The following RBBP6 variants were observed in gnomAD, a reference collection of about 807,000 sequenced individuals.
RBBP6 encodes the protein RB binding protein 6, ubiquitin ligase.
Under a neutral mutation model 167.7 loss-of-function variants are expected in RBBP6, and 25 were observed. The observed-to-expected ratio is 0.15, with a 90% CI of 0.11 to 0.21. The LOEUF (loss-of-function observed/expected upper bound fraction) is 0.21. Among genes scored for constraint, RBBP6 ranks in the 10% least tolerant of loss-of-function variants. RBBP6 has a pLI of 1.00. For synonymous variants in RBBP6, 789 were observed against 735.8 expected, an observed-to-expected ratio of 1.07 and a Z score of -1.17; for missense variants, 1,868 against 2,134.2, an observed-to-expected ratio of 0.88 and a Z score of 2.46.
At chr16:24,566,771 C>T (rs1899205019) in intron 14 of RBBP6, among the ~76,000 whole-genome samples, 1 of 152,048 alleles carries the variant, frequency 6.6e-6, no homozygotes. Context: ...AATAAGTAAG[C>T]TTTTGGGGAG....
In RBBP6 at chr16:24,569,012, A is replaced by C; in HGVS notation, c.2322A>C (p.Gln774His). The change falls in exon 17 of 18, where the codon CAA becomes CAC. Residue 774 changes from glutamine (Q) to histidine (H), a missense_variant. This residue lies in a region of RBBP6 where 673 missense variants were observed against 691.5 expected (regional missense o/e 0.97). Coordinates refer to ENST00000319715, the MANE Select transcript of RBBP6 (RefSeq NM_006910.5). ...RRYHSRSRSP[Q>H]AFRGQSPNKR... is the part of the protein sequence containing the mutation. ...ATCATTCACGATCAAGATCTCCTCA[A>C]GCGTTTAGGGGACAGTCTCCTAATA... The C allele has an allele frequency of 6.2e-7, 1 of 1,614,198 alleles. No homozygotes were observed. The highest frequency in any genetic ancestry group is 8.5e-7 in the Non-Finnish European group (1 of 1,180,024).
Position 24,572,579 on chromosome 16 carries a change from T to G in RBBP6, c.*134T>G. ...TGCACTTAAAATATTGCTGCTTGAT[T>G]ATTTGATTTTTACATCAGAGCTTTA... On this transcript the variant is annotated 3_prime_UTR_variant, in exon 18 of 18. Transcript: ENST00000319715. 3 of 1,265,000 alleles carry G rather than the reference T, an allele frequency of 2.4e-6. No individual in the cohort carries two copies. The highest frequency in any genetic ancestry group is 3.1e-6 in the Non-Finnish European group (3 of 954,474). The allele number at this position is 1,265,000 out of a possible 1,614,324, so 78.4% of individuals were successfully genotyped here.
intron 1 of RBBP6, 152 bp downstream of exon 1, chr16:24,540,944 A>G (rs1204595719): frequency 7.0e-6 from 7 of 995,754 alleles, no homozygotes; most frequent in Non-Finnish European, 9.9e-6. Context: ...CAAGGTTTGC[A>G]GCAGTTGGCC....
chr16:24,548,317 G>GTTTTTTTTTT (rs67923848), intron 2 of RBBP6, among the ~76,000 whole-genome samples: 1 of 143,654 alleles, frequency 7.0e-6, no homozygotes, highest in African/African-American at 2.5e-5. Flanking sequence ...TTTTTGTTCA[G>GTTTTTTTTTT]TTTTTTTTTT....
At chr16:24,548,387 G>A (rs539166547) in intron 2 of RBBP6, among the ~76,000 whole-genome samples, 1 of 149,312 alleles carries the variant, frequency 6.7e-6, no homozygotes, top group East Asian at 2.0e-4. Context: ...TCAAACTCCT[G>A]GGCTCAAGTG....
At chr16:24,551,406 T>C (rs1195369490) in intron 3 of RBBP6, among the ~76,000 whole-genome samples, 1 of 151,848 alleles carries the variant, frequency 6.6e-6, no homozygotes, top group Non-Finnish European at 1.5e-5. Context: ...CATTTTTTGC[T>C]CATTTCTGAA....
At chr16:24,550,371 GTT>G (rs397952875) in intron 3 of RBBP6, among the ~76,000 whole-genome samples, 1 of 134,242 alleles carries the variant, frequency 7.4e-6, no homozygotes, top group Non-Finnish European at 1.6e-5. Flanking sequence ...TTGTTTTTTT[GTT>G]TTTTTTTTTT....
At position 24,546,245 on chromosome 16, in the gene RBBP6, A is replaced by G; in HGVS notation, c.249A>G (p.Thr83=). Residue 83 remains threonine, a synonymous_variant, in exon 2 of 18, where the codon ACA becomes ACG. Coordinates refer to ENST00000319715, the MANE Select transcript of RBBP6 (RefSeq NM_006910.5). ...RRIPIGGVKS[T]SKTYVISRTE... is the part of the protein sequence containing the mutation. ...TTCCTATTGGAGGTGTTAAATCTAC[A>G]AGCAAGACATATGTTATGTAAGTAT... The G allele has an allele frequency of 1.3e-6, 2 of 1,588,730 alleles. No homozygotes were observed. The highest frequency in any genetic ancestry group is 8.5e-7 in the Non-Finnish European group (1 of 1,172,982).
chr16:24,551,439 A>G (rs1009371067), intron 3 of RBBP6, among the ~76,000 whole-genome samples: 1 of 151,780 alleles, frequency 6.6e-6, no homozygotes, highest in Non-Finnish European at 1.5e-5. Flanking sequence ...TGTAGGAAAC[A>G]TTTGTTTGCT....
chr16:24,570,711 A>G (rs1292711612), intron 17 of RBBP6, among the ~76,000 whole-genome samples, 165 bp from the exon 18 acceptor site: 2 of 152,108 alleles, frequency 1.3e-5, no homozygotes, highest in East Asian at 1.9e-4. Context: ...TGTTGATACA[A>G]TCATAATCTT....
At position 24,567,879 on chromosome 16, in the gene RBBP6, G is replaced by A; in HGVS notation, c.2040G>A (p.Arg680=). 4 of 1,611,006 alleles carry A rather than the reference G, an allele frequency of 2.5e-6. No individual in the cohort carries two copies. The highest frequency in any genetic ancestry group is 3.4e-6 in the Non-Finnish European group (4 of 1,178,244). ...ACAAAAAGATTCAAAAGGAGCGTAG[G>A]CGCTCATTTTCCAGGTTAGTGTTTT... ...MEYKKIQKER[R]RSFSRSKSPY... is the part of the protein sequence containing the mutation. The change falls in exon 16 of 18, where the codon AGG becomes AGA. Residue 680 remains arginine, a synonymous_variant. Coordinates refer to ENST00000319715, the MANE Select transcript of RBBP6 (RefSeq NM_006910.5).
At position 24,540,696 on chromosome 16, in the gene RBBP6, A is replaced by G. The variant is rs965857051; in HGVS notation, c.70A>G (p.Ile24Val). Residue 24 changes from isoleucine to valine, a missense_variant, in exon 1 of 18, where the codon ATC (isoleucine) becomes GTC (valine). Coordinates refer to ENST00000319715, the MANE Select transcript of RBBP6 (RefSeq NM_006910.5). ...YDTVTFDGLHISLCDLKKQIM... is the reference protein window; with the variant it reads ...YDTVTFDGLHVSLCDLKKQIM... ...TACCGTCACCTTTGATGGGCTCCAC[A>G]TCTCCCTCTGCGACTTAAAGAAGCA... 2 of 1,613,982 alleles carry G rather than the reference A, an allele frequency of 1.2e-6. No homozygotes were observed. Among genetic ancestry groups the G allele is most frequent in the African/African-American group, 1.3e-5 (1 of 74,888 alleles).
chr16:24,553,360 A>G, intron 3 of RBBP6, 153 bp from the exon 4 acceptor site: 1 of 559,486 alleles, frequency 1.8e-6, no homozygotes, highest in Non-Finnish European at 3.2e-6. Context: ...AGAAGAATGA[A>G]GTAGGCTGAG....
chr16:24,563,786 G>A (rs1219640504), intron 13 of RBBP6, 122 bp downstream of exon 13: 8 of 796,496 alleles, frequency 1.0e-5, no homozygotes, highest in Non-Finnish European at 1.4e-5. Flanking sequence ...GCTCTTTATT[G>A]TAAACTTTCA....
intron 7 of RBBP6, among the ~76,000 whole-genome samples, chr16:24,558,155 G>C (rs1274629712): frequency 6.6e-6 from 1 of 152,118 alleles, no homozygotes. Context: ...GTAAAAATTT[G>C]TGTTGGAAAA....
rs72133882 is a variant in RBBP6, at chr16:24,553,558, G to GTA, written c.348+17_348+18dup. The GTA allele has an allele frequency of 1.5e-3, 2,221 of 1,432,998 alleles. No homozygotes were observed. Among genetic ancestry groups the GTA allele is most frequent in the Non-Finnish European group, 1.9e-3 (1,960 of 1,050,222 alleles). 88.8% of individuals were successfully genotyped at this position (1,432,998 alleles called of 1,614,324 possible). On this transcript the variant is annotated splice_donor_variant, in intron 4 of 17. Coordinates refer to ENST00000319715, the MANE Select transcript of RBBP6 (RefSeq NM_006910.5). LOFTEE classifies it high-confidence loss of function. ...TATTTCTCTGGCCCAGCTTACAAAG[G>GTA]TATATATATATATATATTCTTGAAA... is the stretch of plus-strand genomic sequence containing the variant.
intron 1 of RBBP6, among the ~76,000 whole-genome samples, chr16:24,544,815 G>A (rs1898596933): frequency 6.6e-6 from 1 of 152,124 alleles, no homozygotes; most frequent in Non-Finnish European, 1.5e-5. Context: ...TTTCCCAGAA[G>A]GTGACATCAC....
chr16:24,569,121 T>G lies in RBBP6; in HGVS notation c.2431T>G (p.Tyr811Asp). 1 of 1,613,140 alleles carries G rather than the reference T, an allele frequency of 6.2e-7. No homozygotes were observed. The highest frequency in any genetic ancestry group is 8.5e-7 in the Non-Finnish European group (1 of 1,179,752). ...TCCACCACCATATGACATGAAAGCATATTATGGGAGAAGTGTTGACTTTAG... is the reference window on the plus strand; with the variant it reads ...TCCACCACCATATGACATGAAAGCAGATTATGGGAGAAGTGTTGACTTTAG... ...EVPPPYDMKA[Y>D]YGRSVDFRDP... Residue 811 changes from tyrosine (Y) to aspartate (D), a missense_variant, in exon 17 of 18, where the codon TAT becomes GAT. Around this residue, in one of 7 missense-constraint regions of RBBP6, gnomAD observed 673 missense variants for 691.5 expected, o/e 0.97. Coordinates refer to ENST00000319715, the MANE Select transcript of RBBP6 (RefSeq NM_006910.5).
chr16:24,559,180 C>G (rs556197608), intron 7 of RBBP6, among the ~76,000 whole-genome samples: 1 of 152,144 alleles, frequency 6.6e-6, no homozygotes, highest in African/African-American at 2.4e-5. Flanking sequence ...CAAGTCTTGT[C>G]TTTGTCACTT....
Sources: gnomAD v4.1 joint callset for allele counts (sites outside exome capture counted in the v4.1 genomes callset) on GRCh38, gnomAD v4.1.1 for gene constraint, gnomAD v4.1.1 regional missense constraint, MANE v1.5 for transcripts, NCBI Gene and HGNC (gene_info 2026-07-23, HGNC 2026-07-21) for gene names.